CD247: variants seen among roughly 807,000 people sequenced by gnomAD.
CD247 encodes the protein T-cell surface glycoprotein CD3 zeta chain.
Under a neutral mutation model 30.0 loss-of-function variants are expected in CD247, and 13 were observed. The ratio of observed to expected loss-of-function variants is 0.43; its 90% CI spans 0.28 to 0.69. CD247 has a LOEUF of 0.69. CD247 is among the 30% of genes least tolerant of loss of function. The pLI is 0.16. For missense variants in CD247, 193 were observed against 212.6 expected (o/e 0.91, Z 0.57); for synonymous variants, 72 against 80.0 (o/e 0.90, Z 0.53).
At chr1:167,453,060 A>G (rs1652445150) in intron 1 of CD247, among the ~76,000 whole-genome samples, 1 of 149,268 alleles carries the variant, frequency 6.7e-6, no homozygotes, top group Non-Finnish European at 1.5e-5. Context: ...TTATAGATAT[A>G]CAGAGAGAAA....
At chr1:167,446,595 C>A (rs1652089713) in intron 1 of CD247, among the ~76,000 whole-genome samples, 1 of 152,140 alleles carries the variant, frequency 6.6e-6, no homozygotes, top group African/African-American at 2.4e-5. Context: ...AGGGGATGGC[C>A]CTCTGACCTC....
rs111262097 is a variant in CD247 at position 167,511,821 on chromosome 1, A to C, written c.58+6587T>G. 1.7e-3 allele frequency among the ~76,000 whole-genome samples: 262 copies of C among 152,084 alleles called. 1 individual carries two copies. Among genetic ancestry groups the C allele is most frequent in the African/African-American group, 6.0e-3 (251 of 41,504 alleles). On this transcript the variant is annotated intron_variant, in intron 1 of 7. Transcript: ENST00000362089. Reference sequence around the variant, plus strand: ...ATGTTTGAGGCCTGGTTCTACTCGTAGGCAAGTCACCAGACCTACGAGCCT... The same window carrying C: ...ATGTTTGAGGCCTGGTTCTACTCGTCGGCAAGTCACCAGACCTACGAGCCT...
chr1:167,477,934 T>A (rs1183891967), intron 1 of CD247, among the ~76,000 whole-genome samples: 1 of 152,184 alleles, frequency 6.6e-6, no homozygotes, highest in East Asian at 1.9e-4. Flanking sequence ...CTGCTGCCAA[T>A]CCTGTGACCA....
At chr1:167,447,157 C>T (rs1375288793) in intron 1 of CD247, among the ~76,000 whole-genome samples, 1 of 152,242 alleles carries the variant, frequency 6.6e-6, no homozygotes, top group Non-Finnish European at 1.5e-5. Flanking sequence ...CTTGCATGAT[C>T]TGGCTTAATC....
intron 1 of CD247, among the ~76,000 whole-genome samples, chr1:167,451,899 G>A (rs1185106429): frequency 1.3e-5 from 2 of 152,172 alleles, no homozygotes; most frequent in Non-Finnish European, 2.9e-5. Flanking sequence ...CTGAGGTCAG[G>A]AGTTTGAGAC....
At chr1:167,511,825 A>G (rs1655401666) in intron 1 of CD247, among the ~76,000 whole-genome samples, 1 of 151,950 alleles carries the variant, frequency 6.6e-6, no homozygotes, top group Non-Finnish European at 1.5e-5. Flanking sequence ...ACTCGTAGGC[A>G]AGTCACCAGA....
chr1:167,513,404 T>A (rs1316648736), intron 1 of CD247, among the ~76,000 whole-genome samples: 1 of 152,174 alleles, frequency 6.6e-6, no homozygotes, highest in African/African-American at 2.4e-5. Context: ...GGTAGGAATT[T>A]TGAAAAAAAT....
intron 1 of CD247, among the ~76,000 whole-genome samples, chr1:167,481,056 G>A (rs1653952544): frequency 6.6e-6 from 1 of 152,256 alleles, no homozygotes; most frequent in South Asian, 2.1e-4. Flanking sequence ...GGAGGCTGAG[G>A]TGGGTAGATT....
At chr1:167,487,917 T>C (rs1654282130) in intron 1 of CD247, among the ~76,000 whole-genome samples, 1 of 152,170 alleles carries the variant, frequency 6.6e-6, no homozygotes, top group Non-Finnish European at 1.5e-5. Context: ...AGAATTTTTT[T>C]TGTAGAGATG....
chr1:167,461,970 C>T (rs78191897), intron 1 of CD247, among the ~76,000 whole-genome samples: 3,482 of 152,296 alleles, frequency 0.023, 148 homozygotes, highest in African/African-American at 0.079. Flanking sequence ...TCTTCAGGCA[C>T]ACAGCAGCAG....
chr1:167,469,436 T>A (rs778812925), intron 1 of CD247, among the ~76,000 whole-genome samples: 5 of 152,192 alleles, frequency 3.3e-5, no homozygotes, highest in Non-Finnish European at 5.9e-5. Flanking sequence ...GAGAAGGAAA[T>A]CGAGTCTTTC....
chr1:167,493,206 C>A (rs559670322), intron 1 of CD247, among the ~76,000 whole-genome samples: 6 of 151,952 alleles, frequency 3.9e-5, no homozygotes, highest in South Asian at 2.1e-4. Flanking sequence ...CTATGCCCAG[C>A]TAAGTTTTGC....
intron 1 of CD247, among the ~76,000 whole-genome samples, chr1:167,456,596 G>T (rs909080638): frequency 6.6e-6 from 1 of 152,198 alleles, no homozygotes; most frequent in African/African-American, 2.4e-5. Context: ...GCCGGCCCAG[G>T]GGTCTGCCTT....
At chr1:167,472,817 C>G (rs577730933) in intron 1 of CD247, among the ~76,000 whole-genome samples, 1 of 152,302 alleles carries the variant, frequency 6.6e-6, no homozygotes, top group East Asian at 1.9e-4. Context: ...TCCTGCCACT[C>G]CCACACACTG....
chr1:167,504,527 C>T (rs889699466), intron 1 of CD247, among the ~76,000 whole-genome samples: 1 of 152,202 alleles, frequency 6.6e-6, no homozygotes, highest in African/African-American at 2.4e-5. Flanking sequence ...GTTTTTCTCT[C>T]ATTGGTTTTA....
chr1:167,488,868 C>T (rs1226870199), intron 1 of CD247, among the ~76,000 whole-genome samples: 2 of 152,102 alleles, frequency 1.3e-5, no homozygotes, highest in East Asian at 1.9e-4. Flanking sequence ...CAGACAGCTC[C>T]GAATAAAAAC....
intron 6 of CD247, among the ~76,000 whole-genome samples, chr1:167,433,261 G>C (rs949763381): frequency 1.3e-5 from 2 of 152,200 alleles, no homozygotes; most frequent in African/African-American, 4.8e-5. Flanking sequence ...GCCTGGCCAT[G>C]ATGGGGCTTG....
intron 1 of CD247, 51 bp downstream of exon 1, chr1:167,518,357 C>T (rs12745627): frequency 1.3e-6 from 2 of 1,568,530 alleles, no homozygotes; most frequent in Admixed American, 3.3e-5. Flanking sequence ...CTCCCCTACA[C>T]ATACACAAAG....
intron 1 of CD247, among the ~76,000 whole-genome samples, chr1:167,464,749 C>T (rs1468905867): frequency 6.6e-6 from 1 of 152,146 alleles, no homozygotes; most frequent in African/African-American, 2.4e-5. Flanking sequence ...TGCCTGGGGA[C>T]AGAAGATGAC....
Sources: gnomAD v4.1 joint callset for allele counts (sites outside exome capture counted in the v4.1 genomes callset) on GRCh38, gnomAD v4.1.1 for gene constraint, MANE v1.5 for transcripts, NCBI Gene and HGNC (gene_info 2026-07-23, HGNC 2026-07-21) for gene names.